The following ZFP90 variants were observed in gnomAD, a reference collection of about 807,000 sequenced individuals.
The protein encoded by ZFP90 is ZFP90 zinc finger protein, also known as zinc finger protein 90 homolog.
Under a neutral mutation model 60.8 loss-of-function variants are expected in ZFP90, and 38 were observed. The ratio of observed to expected loss-of-function variants is 0.62; its 90% CI spans 0.48 to 0.82. The LOEUF (loss-of-function observed/expected upper bound fraction) is 0.82, where lower values mean the gene tolerates loss of function less well. Ranked by LOEUF, ZFP90 falls within the 40% of genes least tolerant of loss-of-function variation. ZFP90 has a pLI of 0.00. For missense variants in ZFP90, 711 were observed against 759.1 expected (o/e 0.94, Z 0.74); for synonymous variants, 287 against 264.8 (o/e 1.08, Z -0.82).
downstream of ZFP90, among the ~76,000 whole-genome samples, chr16:68,569,328 G>T (rs756845278): frequency 6.6e-6 from 1 of 151,358 alleles, no homozygotes; most frequent in Non-Finnish European, 1.5e-5. Context: ...GTAGAGATGG[G>T]GTTTCACCAT....
rs2091515990 is a variant in ZFP90, at chr16:68,565,732, G to GT, written c.*1036dup. ...TTCCCGTTAATTTTCTTGCAGAAAA[G>GT]TTAAGTCTAATTGCCCATTGCCATA... On this transcript the variant is annotated 3_prime_UTR_variant, in exon 5 of 5. Coordinates refer to ENST00000563169, the MANE Select transcript of ZFP90 (RefSeq NM_001305203.2). 3.4e-6 allele frequency: 3 copies of GT among 890,156 alleles called. No individual in the cohort carries two copies. Among genetic ancestry groups the GT allele is most frequent in the Non-Finnish European group, 3.8e-6 (3 of 785,230 alleles). 55.1% of individuals were successfully genotyped at this position (890,156 alleles called of 1,614,324 possible).
chr16:68,564,754 G>C lies in ZFP90; in HGVS notation c.*56G>C. The C allele has an allele frequency of 6.5e-7, 1 of 1,531,044 alleles. No homozygotes were observed. Among genetic ancestry groups the C allele is most frequent in the South Asian group, 1.3e-5 (1 of 75,936 alleles). The allele number at this position is 1,531,044 out of a possible 1,614,324, so 94.8% of individuals were successfully genotyped here. On this transcript the variant is annotated 3_prime_UTR_variant, in exon 5 of 5. Coordinates refer to ENST00000563169, the MANE Select transcript of ZFP90 (RefSeq NM_001305203.2). ...CTTTAGCTAAAATGTTCTGATTCAG[G>C]ATCAGAGGATTCTTAGAGAGCTTGG...
rs1170444 is a variant in ZFP90 at position 68,539,384 on chromosome 16, T to C, written c.-131T>C. On this transcript the variant is annotated 5_prime_UTR_variant, in exon 1 of 5. Transcript: ENST00000563169. ...CCCCTCCGCAGATCAGAATTGGAGA[T>C]AACCGAGGCTTCGGCGGGGGCGGGA... 188,777 of 245,860 alleles carry C rather than the reference T, an allele frequency of 0.77. 72,740 individuals are homozygous for C. The highest frequency in any genetic ancestry group is 0.81 in the East Asian group (10,253 of 12,612). 15.2% of individuals were successfully genotyped at this position (245,860 alleles called of 1,614,324 possible).
rs906956275 is a variant in ZFP90 at position 68,541,159 on chromosome 16, C to A, written c.33+1334C>A. 1.2e-4 allele frequency among the ~76,000 whole-genome samples: 19 copies of A among 152,084 alleles called. 1 individual carries two copies. The highest frequency in any genetic ancestry group is 1.6e-4 in the Non-Finnish European group (11 of 68,028). ...CAAGTGATTCTCCTGCCTCAACCTC[C>A]CTAGTAGCTGGGATTAACAGGTGTA... On this transcript the variant is annotated intron_variant, in intron 2 of 4. Transcript: ENST00000563169.
intron 2 of ZFP90, among the ~76,000 whole-genome samples, chr16:68,550,376 C>T (rs552356882): frequency 7.2e-4 from 109 of 152,300 alleles, no homozygotes; most frequent in African/African-American, 2.6e-3. Flanking sequence ...TCTCCTGCCT[C>T]AGCCTCCTGG....
At chr16:68,559,161 G>GAACCTGC (rs1434171017) in intron 4 of ZFP90, among the ~76,000 whole-genome samples, 1 of 152,082 alleles carries the variant, frequency 6.6e-6, no homozygotes. Flanking sequence ...CTGCCTTAAG[G>GAACCTGC]AACCTGCCTT....
At chr16:68,561,620 T>C (rs867853678) in intron 4 of ZFP90, among the ~76,000 whole-genome samples, 1 of 152,340 alleles carries the variant, frequency 6.6e-6, no homozygotes, top group Middle Eastern at 3.4e-3. Flanking sequence ...CTGTTTATTA[T>C]GGTATTTTAA....
intron 2 of ZFP90, among the ~76,000 whole-genome samples, chr16:68,573,387 C>G (rs2091577726): frequency 6.6e-6 from 1 of 152,210 alleles, no homozygotes; most frequent in Non-Finnish European, 1.5e-5. Flanking sequence ...CCCAGAACTT[C>G]AGGAGGCTTG....
At chr16:68,540,325 A>T (rs1045014203) in intron 2 of ZFP90, among the ~76,000 whole-genome samples, 14 of 152,106 alleles carry the variant, frequency 9.2e-5, no homozygotes, top group African/African-American at 3.1e-4. Context: ...GCAAAAACAA[A>T]ACAAAATAAA....
chr16:68,541,558 A>G (rs753728339), intron 2 of ZFP90, among the ~76,000 whole-genome samples: 3 of 151,980 alleles, frequency 2.0e-5, no homozygotes, highest in Non-Finnish European at 2.9e-5. Context: ...TGACCTCCCA[A>G]AGTTCTGGGA....
intron 2 of ZFP90, among the ~76,000 whole-genome samples, chr16:68,549,540 G>A (rs936034370): frequency 1.3e-5 from 2 of 152,124 alleles, no homozygotes; most frequent in Non-Finnish European, 2.9e-5. Context: ...TTAGCTGGGC[G>A]TGGTGGCGGG....
At chr16:68,545,771 C>T (rs9934712) in intron 2 of ZFP90, among the ~76,000 whole-genome samples, 5,201 of 152,282 alleles carry the variant, frequency 0.034, 277 homozygotes, top group African/African-American at 0.12. Context: ...GCAGAGATCA[C>T]GCCACTGCAC....
upstream of ZFP90, among the ~76,000 whole-genome samples, chr16:68,537,686 C>A (rs984521006): frequency 2.0e-5 from 3 of 152,148 alleles, no homozygotes; most frequent in African/African-American, 7.2e-5. Flanking sequence ...CCACCTCAGC[C>A]TCCCAAGTAG....
chr16:68,543,719 C>T (rs1597717375), intron 2 of ZFP90, among the ~76,000 whole-genome samples: 2 of 151,816 alleles, frequency 1.3e-5, no homozygotes, highest in East Asian at 1.9e-4. Context: ...TGTCACCACG[C>T]CCAGCTAATT....
At chr16:68,557,936 C>T (rs1450824454) in intron 2 of ZFP90, 62 bp from the exon 3 acceptor site, 1 of 1,604,240 alleles carries the variant, frequency 6.2e-7, no homozygotes, top group African/African-American at 1.3e-5. Context: ...AGTATGTTCC[C>T]AGCATTGCCT....
At chr16:68,554,190 C>T (rs1340825828) in intron 2 of ZFP90, among the ~76,000 whole-genome samples, 1 of 150,484 alleles carries the variant, frequency 6.6e-6, no homozygotes, top group Non-Finnish European at 1.5e-5. Flanking sequence ...GGTGGTGTCT[C>T]GGCTCATTGC....
In ZFP90 at chr16:68,563,661, A is replaced by G. The variant is rs765642663; in HGVS notation, c.874A>G (p.Arg292Gly). Residue 292 changes from arginine to glycine, a missense_variant, in exon 5 of 5, where the codon AGG becomes GGG. Around this residue, in one of 5 missense-constraint regions of ZFP90, gnomAD observed 146 missense variants for 201.4 expected, o/e 0.73. Coordinates refer to ENST00000563169, the MANE Select transcript of ZFP90 (RefSeq NM_001305203.2). Reference sequence around the variant, plus strand: ...ATGCAATGTATGTGGAAAGGCCTTCAGGCATAGCTCATCTCTTGGTCAGCA... The same window carrying G: ...ATGCAATGTATGTGGAAAGGCCTTCGGGCATAGCTCATCTCTTGGTCAGCA... Reference protein sequence around the residue: ...FECNVCGKAFRHSSSLGQHEN... With the variant: ...FECNVCGKAFGHSSSLGQHEN... 2 of 1,614,198 alleles carry G rather than the reference A, an allele frequency of 1.2e-6. No homozygotes were observed. The highest frequency in any genetic ancestry group is 1.1e-5 in the South Asian group (1 of 91,082).
rs1051306146 is a variant in ZFP90 at position 68,565,470 on chromosome 16, A to G, written c.*772A>G. ...TGCAAATTTATCACAAACTATTTAA[A>G]GCAACTTCTTGGAGGCTTACAAACC... is the stretch of plus-strand genomic sequence containing the variant. On this transcript the variant is annotated 3_prime_UTR_variant, in exon 5 of 5. Coordinates refer to ENST00000563169, the MANE Select transcript of ZFP90 (RefSeq NM_001305203.2). 5.1e-6 allele frequency: 5 copies of G among 985,490 alleles called. No individual in the cohort carries two copies. Among genetic ancestry groups the G allele is most frequent in the South Asian group, 9.4e-5 (2 of 21,290 alleles). The allele number at this position is 985,490 out of a possible 1,614,324, so 61.0% of individuals were successfully genotyped here. A position where few individuals can be genotyped will look rare whatever the true frequency, so the allele number is the denominator to read the frequency against.
chr16:68,570,739 C>G (rs1330285230), downstream of ZFP90, among the ~76,000 whole-genome samples: 1 of 152,186 alleles, frequency 6.6e-6, no homozygotes, highest in Non-Finnish European at 1.5e-5. Context: ...TTTTACTTGT[C>G]TTTTCAACAT....
Sources: gnomAD v4.1 joint callset for allele counts (sites outside exome capture counted in the v4.1 genomes callset) on GRCh38, gnomAD v4.1.1 for gene constraint, gnomAD v4.1.1 regional missense constraint, MANE v1.5 for transcripts, NCBI Gene and HGNC (gene_info 2026-07-23, HGNC 2026-07-21) for gene names.